Variants in NADSYN1 observed in about 807,000 individuals in gnomAD.
NADSYN1 encodes NAD synthetase 1.
A neutral mutation model predicts 99.3 loss-of-function variants in NADSYN1; 80 were observed. The observed-to-expected ratio is 0.81, with a 90% CI of 0.67 to 0.97. The LOEUF (loss-of-function observed/expected upper bound fraction) is 0.97, where lower values mean the gene tolerates loss of function less well. NADSYN1 is among the 50% of genes least tolerant of loss of function. NADSYN1 has a pLI of 0.00. For missense variants in NADSYN1, 859 were observed against 948.5 expected, an observed-to-expected ratio of 0.91 and a Z score of 1.24; for synonymous variants, 385 against 372.1, an observed-to-expected ratio of 1.03 and a Z score of -0.40.
chr11:71,497,630 A>G lies in NADSYN1; in HGVS notation c.1893+19A>G, dbSNP rs1356862379. 2 of 1,613,892 alleles carry G rather than the reference A, an allele frequency of 1.2e-6. No individual in the cohort carries two copies. Among genetic ancestry groups the G allele is most frequent in the South Asian group, 1.1e-5 (1 of 91,052 alleles). ...GAGACAGGTAAAGCCTGTGAGACGC[A>G]TCACAGAGGGAGGCCAGTTAGGTAA... On this transcript the variant is annotated intron_variant, in intron 19 of 20. Coordinates refer to ENST00000319023, the MANE Select transcript of NADSYN1 (RefSeq NM_018161.5).
At chr11:71,484,539 C>A in intron 15 of NADSYN1, 92 bp downstream of exon 15, 2 of 1,468,486 alleles carry the variant, frequency 1.4e-6, no homozygotes, top group East Asian at 2.5e-5. Flanking sequence ...CCCACCTGGG[C>A]CATCGTCTCC....
rs373948383 is a variant in NADSYN1, at chr11:71,481,602, A to T, written c.1047+198A>T. The T allele has an allele frequency of 4.8e-6, 3 of 624,342 alleles. No homozygotes were observed. The African/African-American group carries it at 5.6e-5, about 12-fold the overall frequency. 38.7% of individuals were successfully genotyped at this position (624,342 alleles called of 1,614,324 possible). On this transcript the variant is annotated intron_variant, in intron 12 of 20. Transcript: ENST00000319023. ...GCACAGTGGCTGGTGGGTCAGCTCC[A>T]CCTTTGGAGGCTCAGCGGAACCCAG...
chr11:71,474,428 G>T lies in NADSYN1; in HGVS notation c.700G>T (p.Gly234Cys). 6.2e-7 allele frequency: 1 copy of T among 1,614,198 alleles called. No individual in the cohort carries two copies. Among genetic ancestry groups the T allele is most frequent in the Non-Finnish European group, 8.5e-7 (1 of 1,180,018 alleles). ...GGIYLLANQK[G>C]CDGDRLYYDG... ...GATTTACTTGCTGGCCAACCAGAAG[G>T]GTTGTGACGGGGACCGCCTGTACTA... Residue 234 changes from glycine (G) to cysteine (C), a missense_variant, in exon 9 of 21, where the codon GGT becomes TGT. Physicochemically the swap from Gly to Cys is radical, Grantham distance 159. Coordinates refer to ENST00000319023, the MANE Select transcript of NADSYN1 (RefSeq NM_018161.5).
intron 5 of NADSYN1, among the ~76,000 whole-genome samples, chr11:71,464,785 T>C (rs1445385787): frequency 7.1e-6 from 1 of 140,826 alleles, no homozygotes; most frequent in African/African-American, 2.7e-5. Context: ...GAGAATGGCA[T>C]GAACCCAGGA....
chr11:71,481,872 C>T, intron 12 of NADSYN1, 51 bp from the exon 13 acceptor site: 1 of 1,524,012 alleles, frequency 6.6e-7, no homozygotes, highest in South Asian at 1.2e-5. Context: ...GATCCATGGG[C>T]ATGCTGCTTC....
chr11:71,498,712 T>A, intron 20 of NADSYN1, 184 bp downstream of exon 20: 1 of 592,056 alleles, frequency 1.7e-6, no homozygotes, highest in Non-Finnish European at 2.8e-6. Context: ...TGTTGACAAA[T>A]AAAAATTCTA....
At chr11:71,461,063 C>G (rs145519921) in intron 3 of NADSYN1, 13 of 152,262 alleles carry the variant, frequency 8.5e-5, no homozygotes, top group African/African-American at 2.6e-4. Flanking sequence ...CTGTTTTTGT[C>G]TCTTTTAATT....
At chr11:71,458,622 C>T (rs576659743) in intron 3 of NADSYN1, 78 bp downstream of exon 3, 27 of 1,000,292 alleles carry the variant, frequency 2.7e-5, no homozygotes, top group Admixed American at 1.9e-4. Context: ...CAACCGGCCT[C>T]CATCCAGGGT....
chr11:71,465,993 A>G (rs913561590), intron 5 of NADSYN1, among the ~76,000 whole-genome samples: 2 of 152,130 alleles, frequency 1.3e-5, no homozygotes, highest in Non-Finnish European at 2.9e-5. Context: ...CAGCATTTCT[A>G]GAACAATGTT....
chr11:71,484,828 T>C, intron 15 of NADSYN1: 1 of 223,534 alleles, frequency 4.5e-6, no homozygotes, highest in South Asian at 8.5e-5. Context: ...AGTACAAGTG[T>C]GTGAATGTAT....
At chr11:71,460,685 C>T (rs1949544931) in intron 3 of NADSYN1, 2 of 124,084 alleles carry the variant, frequency 1.6e-5, no homozygotes, top group Non-Finnish European at 4.1e-5. Flanking sequence ...AATTTGTAAC[C>T]ATCATATTTG....
At chr11:71,477,551 T>A (rs1949677697) in intron 9 of NADSYN1, 1 of 809,100 alleles carries the variant, frequency 1.2e-6, no homozygotes, top group Non-Finnish European at 1.7e-6. Context: ...CACTCGTGTT[T>A]AGCAAGGCAA....
At chr11:71,484,801 T>G (rs1949731526) in intron 15 of NADSYN1, 2 of 282,646 alleles carry the variant, frequency 7.1e-6, no homozygotes, top group African/African-American at 4.3e-5. Flanking sequence ...GCGTGAGAGG[T>G]TACATGAGTG....
At chr11:71,497,448 G>A in intron 18 of NADSYN1, 35 bp from the exon 19 acceptor site, 4 of 1,613,576 alleles carry the variant, frequency 2.5e-6, no homozygotes, top group Non-Finnish European at 2.5e-6. Context: ...GCTGTGACTT[G>A]CTGTCATCAT....
intron 1 of NADSYN1, 117 bp downstream of exon 1, chr11:71,453,498 A>G: frequency 2.2e-6 from 2 of 920,160 alleles, no homozygotes; most frequent in Non-Finnish European, 3.4e-6. Context: ...GGCCCTGGGC[A>G]TGGGATCAGG....
chr11:71,489,249 C>A (rs1565606122), intron 16 of NADSYN1, among the ~76,000 whole-genome samples: 1 of 151,970 alleles, frequency 6.6e-6, no homozygotes, highest in African/African-American at 2.4e-5. Context: ...ACTCGGTGGT[C>A]CTGTATTGAA....
At chr11:71,491,773 T>G (rs1949780708) in intron 17 of NADSYN1, 61 bp from the exon 18 acceptor site, 1 of 1,489,746 alleles carries the variant, frequency 6.7e-7, no homozygotes, top group Non-Finnish European at 9.3e-7. Context: ...GGGGATTCTC[T>G]CCCAGAGCTC....
At chr11:71,489,205 A>G (rs1949763359) in intron 16 of NADSYN1, among the ~76,000 whole-genome samples, 1 of 152,006 alleles carries the variant, frequency 6.6e-6, no homozygotes, top group Non-Finnish European at 1.5e-5. Flanking sequence ...GGAAAGGTCC[A>G]TGCAGAGTGC....
Position 71,501,684 on chromosome 11 carries a change from G to A in NADSYN1, c.*332G>A. 1 of 342,326 alleles carries A rather than the reference G, an allele frequency of 2.9e-6. No homozygotes were observed. The highest frequency in any genetic ancestry group is 4.6e-5 in the South Asian group (1 of 21,712). The allele number at this position is 342,326 out of a possible 1,614,324, so 21.2% of individuals were successfully genotyped here. A position where few individuals can be genotyped will look rare whatever the true frequency, so the allele number is the denominator to read the frequency against. ...CATCTTTGCTGCAGGAACAAGAACA[G>A]TAGCTCCCGGGAAGGGAGGGGTGTC... On this transcript the variant is annotated 3_prime_UTR_variant, in exon 21 of 21. Coordinates refer to ENST00000319023, the MANE Select transcript of NADSYN1 (RefSeq NM_018161.5).
Sources: allele counts gnomAD v4.1 joint callset (sites outside exome capture counted in the v4.1 genomes callset), GRCh38; gene constraint gnomAD v4.1.1; transcripts MANE v1.5; gene names NCBI Gene and HGNC (gene_info 2026-07-23, HGNC 2026-07-21).